The following PFKFB3 variants were observed in gnomAD, a reference collection of about 807,000 sequenced individuals.
The protein encoded by PFKFB3 is 6-phosphofructo-2-kinase/fructose-2,6-biphosphatase 3.
A neutral mutation model predicts 68.0 loss-of-function variants in PFKFB3; 33 were observed. The observed-to-expected ratio is 0.49, with a 90% confidence interval of 0.37 to 0.65. The LOEUF is 0.65. Ranked by LOEUF, PFKFB3 falls within the 30% of genes least tolerant of loss-of-function variation. The pLI, the probability that PFKFB3 is intolerant of heterozygous loss-of-function variation, is 0.00. For synonymous variants in PFKFB3, 315 were observed against 288.2 expected (o/e 1.09, Z -0.94); for missense variants, 586 against 712.2 (o/e 0.82, Z 2.02).
At chr10:6,175,788 C>A (rs1842447872) in intron 1 of PFKFB3, among the ~76,000 whole-genome samples, 1 of 152,166 alleles carries the variant, frequency 6.6e-6, no homozygotes, top group Non-Finnish European at 1.5e-5. Context: ...TCAAGAGATG[C>A]AAATTAAAGC....
At chr10:6,223,900 A>G in intron 11 of PFKFB3, 58 bp from the exon 12 acceptor site, 1 of 1,471,522 alleles carries the variant, frequency 6.8e-7, no homozygotes, top group Admixed American at 1.7e-5. Flanking sequence ...TACAGGCGTG[A>G]GCCACCACGC....
At position 6,177,223 on chromosome 10, in the gene PFKFB3, G is replaced by C. The variant is rs76119006; in HGVS notation, c.16+32210G>C. 1.1e-3 allele frequency among the ~76,000 whole-genome samples: 166 copies of C among 152,274 alleles called. 1 individual carries two copies. The highest frequency in any genetic ancestry group is 3.6e-3 in the African/African-American group (151 of 41,540). On this transcript the variant is annotated intron_variant, in intron 1 of 14. Coordinates refer to the PFKFB3 transcript ENST00000379789. Reference sequence around the variant, plus strand: ...TTCTGTGGTTTGCTTGGAGTAGTTAGGATGAAAATTCAGAACCTGCCTGCT... The same window carrying C: ...TTCTGTGGTTTGCTTGGAGTAGTTACGATGAAAATTCAGAACCTGCCTGCT...
chr10:6,260,831 GAAT>G, the PFKFB3 span, among the ~76,000 whole-genome samples: 1 of 152,090 alleles, frequency 6.6e-6, no homozygotes, highest in African/African-American at 2.4e-5. Context: ...TTACTATTAT[GAAT>G]AATGATTCTT....
intron 8 of PFKFB3, among the ~76,000 whole-genome samples, 162 bp downstream of exon 8, chr10:6,221,027 CTG>C (rs1844920160): frequency 2.7e-5 from 3 of 110,300 alleles, no homozygotes; most frequent in African/African-American, 5.5e-5. Flanking sequence ...CTATGCATAT[CTG>C]TGTGCATCTC....
chr10:6,213,463 T>C (rs1051996535), intron 1 of PFKFB3, among the ~76,000 whole-genome samples, 160 bp from the exon 2 acceptor site: 16 of 152,142 alleles, frequency 1.1e-4, no homozygotes, highest in Non-Finnish European at 1.3e-4. Flanking sequence ...GAGGCTGCAG[T>C]AATCATGGTG....
At chr10:6,158,749 C>A (rs1193434218) in intron 1 of PFKFB3, among the ~76,000 whole-genome samples, 1 of 152,076 alleles carries the variant, frequency 6.6e-6, no homozygotes, top group Non-Finnish European at 1.5e-5. Context: ...CACCTGTAGT[C>A]CCAGCTACTC....
intron 1 of PFKFB3, among the ~76,000 whole-genome samples, chr10:6,145,840 G>C (rs1041242998): frequency 5.6e-5 from 7 of 124,754 alleles, no homozygotes; most frequent in Non-Finnish European, 1.2e-4. Flanking sequence ...GCTACCTGGT[G>C]TTCCTACCCG....
intron 1 of PFKFB3, among the ~76,000 whole-genome samples, chr10:6,189,380 T>G (rs1375780647): frequency 6.6e-6 from 1 of 152,200 alleles, no homozygotes; most frequent in Non-Finnish European, 1.5e-5. Context: ...TTTTAGAATT[T>G]TTTAGAATAT....
chr10:6,177,389 T>TTTCTTTCTTTCTTTCTTTTC lies in PFKFB3; in HGVS notation c.16+32394_16+32395insTCTTCTTTCTTTCTTTCTTT, dbSNP rs1842515653. Among the ~76,000 whole-genome samples the TTTCTTTCTTTCTTTCTTTTC allele has an allele frequency of 3.9e-4, 48 of 122,966 alleles. 3 individuals carry two copies. The highest frequency in any genetic ancestry group is 7.5e-4 in the Non-Finnish European group (42 of 56,048). The allele number at this position is 122,966 out of a possible 152,430, so 80.7% of individuals were successfully genotyped here. On this transcript the variant is annotated intron_variant, in intron 1 of 14. Transcript: ENST00000379789. ...CTTTCTTTCTTTCTTTCTTTCTTTC[T>TTTCTTTCTTTCTTTCTTTTC]TTCTTTCTTTCTTTCTTTCTTCTTT...
chr10:6,221,829 C>A, intron 10 of PFKFB3, 84 bp downstream of exon 10: 1 of 917,166 alleles, frequency 1.1e-6, no homozygotes, highest in Admixed American at 2.1e-5. Flanking sequence ...CCAGGGAGTT[C>A]ACTTCCGTGT....
chr10:6,236,192 T>G (rs1846007680), downstream of PFKFB3, among the ~76,000 whole-genome samples: 1 of 152,184 alleles, frequency 6.6e-6, no homozygotes, highest in African/African-American at 2.4e-5. Context: ...CCCTTCCCCA[T>G]CTCCTGGCTT....
the PFKFB3 span, among the ~76,000 whole-genome samples, chr10:6,262,358 G>A: frequency 2.3e-5 from 2 of 86,790 alleles, no homozygotes; most frequent in African/African-American, 7.7e-5. Context: ...AGAGGCTGAG[G>A]CAGGAGAATG....
chr10:6,305,579 C>A, the PFKFB3 span, among the ~76,000 whole-genome samples: 3 of 152,188 alleles, frequency 2.0e-5, no homozygotes, highest in Non-Finnish European at 4.4e-5. Flanking sequence ...CTTTTAAGCT[C>A]CTGATTTATT....
the PFKFB3 span, among the ~76,000 whole-genome samples, chr10:6,284,426 G>C: frequency 6.6e-6 from 1 of 152,100 alleles, no homozygotes. Flanking sequence ...TTTATCATTT[G>C]TAATGCCCCT....
At chr10:6,226,838 C>T (rs1037941097) in intron 14 of PFKFB3, among the ~76,000 whole-genome samples, 21 of 152,192 alleles carry the variant, frequency 1.4e-4, no homozygotes, top group Admixed American at 8.5e-4. Context: ...GTAATCCCAG[C>T]GCTTTGGGAG....
upstream of PFKFB3, among the ~76,000 whole-genome samples, chr10:6,199,614 A>G (rs1216717348): frequency 6.7e-6 from 1 of 150,202 alleles, no homozygotes; most frequent in East Asian, 1.9e-4. Context: ...TCTCCAAAAT[A>G]ACTGGGACCA....
intron 10 of PFKFB3, 115 bp from the exon 11 acceptor site, chr10:6,222,740 A>C: frequency 8.6e-7 from 1 of 1,167,490 alleles, no homozygotes. Context: ...ACCACTGCTG[A>C]TGATGGATGA....
At chr10:6,264,154 G>A in the PFKFB3 span, among the ~76,000 whole-genome samples, 17 of 152,182 alleles carry the variant, frequency 1.1e-4, no homozygotes, top group Non-Finnish European at 2.4e-4. Context: ...GCACTTGAGT[G>A]CCATCTTTGT....
intron 10 of PFKFB3, among the ~76,000 whole-genome samples, chr10:6,222,185 C>T (rs541736616): frequency 6.6e-6 from 1 of 152,236 alleles, no homozygotes; most frequent in African/African-American, 2.4e-5. Context: ...TGAGCAGTGT[C>T]GTGCCTCAGG....
Sources: gnomAD v4.1 joint callset for allele counts (sites outside exome capture counted in the v4.1 genomes callset) on GRCh38, gnomAD v4.1.1 for gene constraint, MANE v1.5 for transcripts, NCBI Gene and HGNC (gene_info 2026-07-23, HGNC 2026-07-21) for gene names.